SLC35F2: variants seen among roughly 807,000 people sequenced by gnomAD.
SLC35F2 encodes the protein queuine/queuosine transporter SLC35F2.
In SLC35F2, 25 loss-of-function variants were observed where a neutral mutation model predicts 38.1. The ratio of observed to expected loss-of-function variants is 0.66; its 90% confidence interval spans 0.48 to 0.92. The LOEUF (loss-of-function observed/expected upper bound fraction) is 0.92. Ranked by LOEUF, SLC35F2 falls within the 40% of genes least tolerant of loss-of-function variation. The pLI, the probability that SLC35F2 is intolerant of heterozygous loss-of-function variation, is 0.00. For synonymous variants in SLC35F2, 173 were observed against 181.7 expected (o/e 0.95, Z 0.38); for missense variants, 409 against 452.9 (o/e 0.90, Z 0.88).
intron 1 of SLC35F2, among the ~76,000 whole-genome samples, chr11:107,826,465 A>T (rs1049130948): frequency 6.6e-6 from 1 of 152,114 alleles, no homozygotes; most frequent in African/African-American, 2.4e-5. Flanking sequence ...GCTGGTCTCG[A>T]ACTCCTGACC....
intron 1 of SLC35F2, among the ~76,000 whole-genome samples, chr11:107,844,138 C>T (rs947876731): frequency 6.6e-6 from 1 of 151,898 alleles, no homozygotes; most frequent in Non-Finnish European, 1.5e-5. Flanking sequence ...GTTGCCCTAT[C>T]GCAAAAGACA....
chr11:107,812,913 C>A (rs1859505022), intron 2 of SLC35F2, among the ~76,000 whole-genome samples: 1 of 152,070 alleles, frequency 6.6e-6, no homozygotes, highest in Non-Finnish European at 1.5e-5. Context: ...AAATTAAGTC[C>A]TCGATAAGCT....
chr11:107,792,583 C>G lies in SLC35F2; in HGVS notation c.*32G>C, dbSNP rs770811488. On this transcript the variant is annotated 3_prime_UTR_variant, in exon 8 of 8. Coordinates refer to ENST00000525815, the MANE Select transcript of SLC35F2 (RefSeq NM_017515.5). ...AGCAGGCAGCAGGCTCTGCTTTATC[C>G]TGGTGGGGGATGGGTGCGCCATCTT... The G allele has an allele frequency of 1.3e-6, 2 of 1,572,352 alleles. No individual in the cohort carries two copies. The highest frequency in any genetic ancestry group is 1.7e-6 in the Non-Finnish European group (2 of 1,160,666).
At chr11:107,852,994 C>A (rs1327784335) in intron 1 of SLC35F2, among the ~76,000 whole-genome samples, 1 of 152,102 alleles carries the variant, frequency 6.6e-6, no homozygotes, top group African/African-American at 2.4e-5. Flanking sequence ...TGCACTCCAG[C>A]CTAGGGCTCC....
intron 2 of SLC35F2, among the ~76,000 whole-genome samples, chr11:107,814,461 A>G (rs76735904): frequency 2.8e-4 from 40 of 142,414 alleles, no homozygotes; most frequent in African/African-American, 8.7e-4. Context: ...CTCTGCCTCA[A>G]AAAAAAAAAA....
intron 1 of SLC35F2, among the ~76,000 whole-genome samples, chr11:107,833,129 T>C (rs1355140915): frequency 6.6e-6 from 1 of 152,212 alleles, no homozygotes; most frequent in Non-Finnish European, 1.5e-5. Flanking sequence ...TTTTTTATAG[T>C]GTCTCACAGT....
chr11:107,814,471 AAAG>A (rs924210467), intron 2 of SLC35F2, among the ~76,000 whole-genome samples: 6 of 152,024 alleles, frequency 3.9e-5, no homozygotes, highest in East Asian at 1.9e-4. Flanking sequence ...AAAAAAAAAA[AAAG>A]AAGAAGCTGC....
intron 1 of SLC35F2, among the ~76,000 whole-genome samples, chr11:107,853,142 C>G (rs543082295): frequency 6.6e-6 from 1 of 152,260 alleles, no homozygotes; most frequent in South Asian, 2.1e-4. Context: ...GCCTAGACTA[C>G]CCTTCCTCAC....
At chr11:107,826,597 T>C (rs899525705) in intron 1 of SLC35F2, among the ~76,000 whole-genome samples, 3 of 152,172 alleles carry the variant, frequency 2.0e-5, no homozygotes, top group Admixed American at 1.3e-4. Context: ...GGGAGCAAAG[T>C]AAAAGGTGTA....
chr11:107,844,700 C>T (rs554719709), intron 1 of SLC35F2, among the ~76,000 whole-genome samples: 11 of 151,642 alleles, frequency 7.3e-5, no homozygotes, highest in Non-Finnish European at 1.2e-4. Flanking sequence ...ACAGGCCGGG[C>T]GCGGTGGCTC....
At chr11:107,793,931 G>A (rs1009797304) in intron 7 of SLC35F2, among the ~76,000 whole-genome samples, 6 of 152,038 alleles carry the variant, frequency 3.9e-5, no homozygotes, top group African/African-American at 1.4e-4. Context: ...AAAATGCAAT[G>A]AGGAAAGAAC....
intron 5 of SLC35F2, 73 bp from the exon 6 acceptor site, chr11:107,804,843 T>C (rs1859368737): frequency 3.1e-6 from 4 of 1,274,270 alleles, no homozygotes; most frequent in Non-Finnish European, 4.4e-6. Flanking sequence ...TTTTAGTCAC[T>C]ATACTTCAGC....
At chr11:107,830,217 T>G (rs1338617633) in intron 1 of SLC35F2, among the ~76,000 whole-genome samples, 2 of 152,202 alleles carry the variant, frequency 1.3e-5, no homozygotes, top group African/African-American at 4.8e-5. Flanking sequence ...TTTAATAATT[T>G]GACAACTAAA....
intron 3 of SLC35F2, among the ~76,000 whole-genome samples, chr11:107,809,329 CAAAAAAAAAAAA>C (rs61511493): frequency 1.0e-5 from 1 of 96,120 alleles, no homozygotes; most frequent in East Asian, 2.5e-4. Context: ...ACTCAAAATA[CAAAAAAAAAAAA>C]AAAAAAAAAA....
rs1190196800 is a variant in SLC35F2 at position 107,802,982 on chromosome 11, A to T, written c.939+19T>A. The T allele has an allele frequency of 1.9e-6, 3 of 1,589,296 alleles. No individual in the cohort carries two copies. The highest frequency in any genetic ancestry group is 2.6e-6 in the Non-Finnish European group (3 of 1,171,056). On this transcript the variant is annotated intron_variant, in intron 7 of 7. Coordinates refer to ENST00000525815, the MANE Select transcript of SLC35F2 (RefSeq NM_017515.5). ...GATCCAAGCAAGTATTCTTATTTGA[A>T]CGTGATCTATTTGTTTACCTTATAG...
At chr11:107,838,481 C>A (rs552671752) in intron 1 of SLC35F2, among the ~76,000 whole-genome samples, 1 of 149,406 alleles carries the variant, frequency 6.7e-6, no homozygotes, top group Non-Finnish European at 1.5e-5. Context: ...CCCGCCACCA[C>A]GCCCAGCTAA....
intron 7 of SLC35F2, among the ~76,000 whole-genome samples, chr11:107,794,286 G>A (rs1859183714): frequency 6.6e-6 from 1 of 151,930 alleles, no homozygotes; most frequent in Non-Finnish European, 1.5e-5. Context: ...TCACCATGTT[G>A]GCCAGGCTGG....
At chr11:107,857,352 GGAAGGAGA>G (rs889172990) in intron 1 of SLC35F2, among the ~76,000 whole-genome samples, 4 of 146,954 alleles carry the variant, frequency 2.7e-5, no homozygotes, top group Non-Finnish European at 4.5e-5. Context: ...AGGGAAGGAA[GGAAGGAGA>G]GAGGGAGAGA....
intron 7 of SLC35F2, among the ~76,000 whole-genome samples, chr11:107,794,083 C>CT (rs10664346): frequency 0.12 from 16,173 of 137,834 alleles, 1,432 homozygotes; most frequent in East Asian, 0.42. Context: ...TGTATTTTTT[C>CT]TTTTTTTTTT....
Sources: gnomAD v4.1 joint callset for allele counts (sites outside exome capture counted in the v4.1 genomes callset) on GRCh38, gnomAD v4.1.1 for gene constraint, MANE v1.5 for transcripts, NCBI Gene and HGNC (gene_info 2026-07-23, HGNC 2026-07-21) for gene names.